NDST3: variants seen among roughly 807,000 people sequenced by gnomAD.
NDST3 encodes the protein N-deacetylase and N-sulfotransferase 3.
NDST3 carries 58 observed loss-of-function variants against 96.1 expected under a neutral mutation model. The ratio of observed to expected loss-of-function variants is 0.60; its 90% CI spans 0.49 to 0.75. NDST3 has a LOEUF of 0.75. Ranked by LOEUF, NDST3 falls within the 30% of genes least tolerant of loss-of-function variation. The pLI is 0.00. For missense variants in NDST3, 788 were observed against 1,034.2 expected (o/e 0.76, Z 3.27); for synonymous variants, 333 against 359.7 (o/e 0.93, Z 0.84).
intron 8 of NDST3, among the ~76,000 whole-genome samples, chr4:118,231,607 A>G (rs1740300328): frequency 6.6e-6 from 1 of 152,124 alleles, no homozygotes; most frequent in African/African-American, 2.4e-5. Context: ...TGAGAGAAAT[A>G]TTATAAGGCC....
At chr4:118,092,056 A>ATTTATTTATTTG (rs10633685) in intron 2 of NDST3, among the ~76,000 whole-genome samples, 104,410 of 148,348 alleles carry the variant, frequency 0.7, 38,851 homozygotes, top group South Asian at 0.91. Flanking sequence ...TTTCTTATTT[A>ATTTATTTATTTG]TTTATTTATT....
chr4:118,224,648 C>G lies in NDST3; in HGVS notation c.1697C>G (p.Pro566Arg), dbSNP rs752485386. The G allele has an allele frequency of 6.2e-7, 1 of 1,604,768 alleles. No homozygotes were observed. Among genetic ancestry groups the G allele is most frequent in the Non-Finnish European group, 8.5e-7 (1 of 1,175,318 alleles). ...QLAHKYFELF[P>R]DQKDPLWQNP... ...GCCCACAAGTATTTTGAGCTGTTTC[C>G]TGATCAGAAAGACCCTCTCTGGCAG... Residue 566 changes from proline (P) to arginine (R), a missense_variant, in exon 7 of 14, where the codon CCT (proline) becomes CGT (arginine). Pro to Arg is a moderately radical substitution (Grantham distance 103). Transcript: ENST00000296499.
At chr4:118,107,046 C>T (rs908787347) in intron 3 of NDST3, among the ~76,000 whole-genome samples, 6 of 152,148 alleles carry the variant, frequency 3.9e-5, no homozygotes, top group South Asian at 4.2e-4. Flanking sequence ...GCCGAGATTG[C>T]GCCACTGCAC....
intron 4 of NDST3, among the ~76,000 whole-genome samples, chr4:118,122,091 T>G (rs985839713): frequency 2.6e-5 from 4 of 152,168 alleles, no homozygotes; most frequent in Non-Finnish European, 4.4e-5. Context: ...AACGATTTCA[T>G]AAAAAGAAAG....
chr4:118,099,322 C>A (rs1431363794), intron 2 of NDST3, among the ~76,000 whole-genome samples: 2 of 152,060 alleles, frequency 1.3e-5, no homozygotes, highest in Non-Finnish European at 2.9e-5. Context: ...GTGGCCTTGG[C>A]CTAAGGCAAT....
chr4:118,163,691 T>C (rs952680423), intron 6 of NDST3, among the ~76,000 whole-genome samples: 7 of 152,070 alleles, frequency 4.6e-5, no homozygotes, highest in Non-Finnish European at 8.8e-5. Flanking sequence ...GCATGGCACA[T>C]GTATACATAT....
chr4:118,122,325 G>A (rs115370233), intron 4 of NDST3, among the ~76,000 whole-genome samples: 205 of 152,230 alleles, frequency 1.3e-3, no homozygotes, highest in African/African-American at 4.7e-3. Flanking sequence ...ACTTAAGATG[G>A]AGGGGGCACT....
At chr4:118,108,995 C>A (rs946280820) in intron 3 of NDST3, among the ~76,000 whole-genome samples, 1 of 152,120 alleles carries the variant, frequency 6.6e-6, no homozygotes, top group African/African-American at 2.4e-5. Context: ...TATTTTAAAT[C>A]TTTTGCTTAC....
intron 4 of NDST3, among the ~76,000 whole-genome samples, chr4:118,116,068 A>C (rs1731063553): frequency 1.3e-5 from 2 of 152,212 alleles, no homozygotes; most frequent in South Asian, 4.1e-4. Flanking sequence ...TTTCCTAAAA[A>C]AATAAACAAA....
At chr4:118,233,302 A>C (rs563893986) in intron 9 of NDST3, among the ~76,000 whole-genome samples, 167 bp downstream of exon 9, 1 of 152,342 alleles carries the variant, frequency 6.6e-6, no homozygotes, top group South Asian at 2.1e-4. Context: ...TTTTCAGAAC[A>C]AACTCTTCTC....
chr4:118,248,489 A>C (rs1741463105), intron 12 of NDST3, among the ~76,000 whole-genome samples: 1 of 152,192 alleles, frequency 6.6e-6, no homozygotes. Context: ...ATTCTTACCC[A>C]TTCTTGTTTT....
At chr4:118,233,962 C>T (rs187072447) in intron 9 of NDST3, among the ~76,000 whole-genome samples, 54 of 152,140 alleles carry the variant, frequency 3.5e-4, no homozygotes, top group Admixed American at 7.2e-4. Context: ...ATGAGAAGTC[C>T]GAATGGAAAG....
At chr4:118,189,857 T>C (rs71608349) in intron 6 of NDST3, among the ~76,000 whole-genome samples, 10,695 of 152,120 alleles carry the variant, frequency 0.07, 436 homozygotes, top group Non-Finnish European at 0.093. Flanking sequence ...CTAAAGCTAA[T>C]TGTAATAAAA....
rs1742160069 is a variant in NDST3, at chr4:118,257,030, T to C, written c.*1318T>C. ...AGGAAGTACAAAGATGAGCAAGTCA[T>C]GCTCTTGAAATATATTTACATTTCA... On this transcript the variant is annotated 3_prime_UTR_variant, in exon 14 of 14. Transcript: ENST00000296499. 6.6e-6 allele frequency: 1 copy of C among 152,182 alleles called. No homozygotes were observed. The highest frequency in any genetic ancestry group is 1.5e-5 in the Non-Finnish European group (1 of 68,030). The allele number at this position is 152,182 out of a possible 1,614,324, so 9.4% of individuals were successfully genotyped here. A position where few individuals can be genotyped will look rare whatever the true frequency, so the allele number is the denominator to read the frequency against.
chr4:118,156,306 C>A (rs2125920285), intron 6 of NDST3, among the ~76,000 whole-genome samples: 1 of 152,312 alleles, frequency 6.6e-6, no homozygotes, highest in African/African-American at 2.4e-5. Context: ...ACATCCCCAA[C>A]CCTCCAGCTT....
In NDST3 at chr4:118,217,572, C is replaced by G. The variant is rs116082780; in HGVS notation, c.1540-6919C>G. The stretch of plus-strand genomic sequence containing the variant: ...AAACTTCTGGAGTTTGTTCATTGCC[C>G]TATATAAAAATAAACTGGTTTCCTT... On this transcript the variant is annotated intron_variant, in intron 6 of 13. Transcript: ENST00000296499. Among the ~76,000 whole-genome samples, 1,428 of 152,098 alleles carry G rather than the reference C, an allele frequency of 9.4e-3. 26 individuals are homozygous for G. Among genetic ancestry groups the G allele is most frequent in the Middle Eastern group, 0.082 (24 of 294 alleles).
intron 6 of NDST3, among the ~76,000 whole-genome samples, chr4:118,155,709 G>C (rs1734670400): frequency 6.6e-6 from 1 of 152,050 alleles, no homozygotes; most frequent in Non-Finnish European, 1.5e-5. Context: ...TTTGTTATAT[G>C]TCATTTGGTT....
At chr4:118,139,146 A>G (rs1215116680) in intron 5 of NDST3, among the ~76,000 whole-genome samples, 1 of 152,196 alleles carries the variant, frequency 6.6e-6, no homozygotes, top group Admixed American at 6.5e-5. Flanking sequence ...TTTTCCCTCA[A>G]TAAAAACTGT....
chr4:118,232,371 T>TG (rs1339720339), intron 8 of NDST3, among the ~76,000 whole-genome samples: 2 of 152,246 alleles, frequency 1.3e-5, no homozygotes, highest in African/African-American at 4.8e-5. Context: ...GACTCACTCC[T>TG]GTAATCCCAG....
Sources: allele counts gnomAD v4.1 joint callset (sites outside exome capture counted in the v4.1 genomes callset), GRCh38; gene constraint gnomAD v4.1.1; transcripts MANE v1.5; gene names NCBI Gene and HGNC (gene_info 2026-07-23, HGNC 2026-07-21).